MLPH: variants seen among roughly 807,000 people sequenced by gnomAD.
The protein encoded by MLPH is exophilin-3.
MLPH carries 51 observed loss-of-function variants against 72.1 expected under a neutral mutation model. The observed-to-expected ratio is 0.71, with a 90% confidence interval of 0.56 to 0.89. MLPH has a LOEUF of 0.89. Among genes scored for constraint, MLPH ranks in the 40% least tolerant of loss-of-function variants. The pLI is 0.00. For synonymous variants in MLPH, 301 were observed against 310.1 expected (o/e 0.97, Z 0.31); for missense variants, 743 against 759.9 (o/e 0.98, Z 0.26).
intron 15 of MLPH, 141 bp downstream of exon 15, chr2:237,552,578 A>C: frequency 1.4e-6 from 1 of 723,994 alleles, no homozygotes; most frequent in Non-Finnish European, 2.3e-6. Flanking sequence ...AGCAAAAAGT[A>C]AAGTAAAATC....
chr2:237,500,913 T>C (rs2106474188), intron 2 of MLPH, among the ~76,000 whole-genome samples: 1 of 152,028 alleles, frequency 6.6e-6, no homozygotes, highest in East Asian at 1.9e-4. Flanking sequence ...ACACACTTAC[T>C]CTTCTCTCCC....
intron 14 of MLPH, among the ~76,000 whole-genome samples, chr2:237,551,112 C>T (rs1443525488): frequency 2.0e-5 from 3 of 152,216 alleles, no homozygotes; most frequent in Non-Finnish European, 4.4e-5. Context: ...TCACTGTCTG[C>T]AGAGGCCAGC....
chr2:237,518,152 G>T, intron 4 of MLPH: 1 of 357,302 alleles, frequency 2.8e-6, no homozygotes. Flanking sequence ...GGGTGGGTAG[G>T]TGAATACATG....
intron 2 of MLPH, among the ~76,000 whole-genome samples, chr2:237,497,383 C>G (rs1455343377): frequency 6.6e-6 from 1 of 152,206 alleles, no homozygotes; most frequent in African/African-American, 2.4e-5. Flanking sequence ...CTTTTGTTGA[C>G]TGCCCTATTG....
At chr2:237,517,811 G>T (rs2080083130) in intron 4 of MLPH, among the ~76,000 whole-genome samples, 1 of 151,578 alleles carries the variant, frequency 6.6e-6, no homozygotes, top group East Asian at 1.9e-4. Flanking sequence ...GTGGGCAGCT[G>T]GATGGATGGG....
chr2:237,491,424 T>C (rs1437864938), intron 1 of MLPH, among the ~76,000 whole-genome samples: 1 of 152,246 alleles, frequency 6.6e-6, no homozygotes, highest in African/African-American at 2.4e-5. Context: ...GGTCTGTCTG[T>C]AGCTGCAGCA....
intron 8 of MLPH, among the ~76,000 whole-genome samples, chr2:237,528,103 T>G: frequency 6.6e-6 from 1 of 152,150 alleles, no homozygotes; most frequent in Admixed American, 6.5e-5. Flanking sequence ...ACTAGAATAG[T>G]AGTCACCAGG....
intron 7 of MLPH, among the ~76,000 whole-genome samples, chr2:237,526,583 G>A (rs1216753831): frequency 1.3e-5 from 2 of 152,184 alleles, no homozygotes; most frequent in Non-Finnish European, 2.9e-5. Context: ...CTGGAGAGCA[G>A]TTTTATTTCC....
rs1037045243 is a variant in MLPH at position 237,541,258 on chromosome 2, C to A, written c.1446+301C>A. On this transcript the variant is annotated intron_variant, in intron 11 of 15. Transcript: ENST00000264605. The surrounding 1 kb of genome is among the most constrained non-coding windows in gnomAD (Gnocchi z 5.1). ...CACAATCCCTGACCCAGGATGGGGG[C>A]CTAGAAGCAGGCCTGGAATTTAGGA... Among the ~76,000 whole-genome samples the A allele has an allele frequency of 6.6e-6, 1 of 152,154 alleles. No homozygotes were observed.
At chr2:237,494,272 G>C (rs1357166168) in intron 2 of MLPH, among the ~76,000 whole-genome samples, 1 of 152,188 alleles carries the variant, frequency 6.6e-6, no homozygotes, top group Non-Finnish European at 1.5e-5. Context: ...AGGCCAGAGA[G>C]TGGAGGGCAG....
intron 6 of MLPH, among the ~76,000 whole-genome samples, chr2:237,522,524 A>G (rs1468881849): frequency 1.5e-5 from 2 of 136,970 alleles, no homozygotes; most frequent in Non-Finnish European, 3.2e-5. Flanking sequence ...ACCTGCTACA[A>G]CTATAGTGCT....
intron 2 of MLPH, among the ~76,000 whole-genome samples, chr2:237,498,105 G>A (rs996538235): frequency 6.6e-6 from 1 of 152,174 alleles, no homozygotes; most frequent in Non-Finnish European, 1.5e-5. Flanking sequence ...ACACACCATC[G>A]TTTCTTGGAA....
intron 12 of MLPH, among the ~76,000 whole-genome samples, chr2:237,543,065 C>T (rs1443128578): frequency 2.1e-4 from 11 of 52,044 alleles, no homozygotes; most frequent in African/African-American, 3.7e-4. Flanking sequence ...TGAGTGGGCA[C>T]GGTAGTGAGT....
At chr2:237,498,321 T>C (rs1438923706) in intron 2 of MLPH, among the ~76,000 whole-genome samples, 2 of 152,202 alleles carry the variant, frequency 1.3e-5, no homozygotes, top group East Asian at 3.8e-4. Flanking sequence ...TCAGTATTTC[T>C]CTCCAGATGT....
intron 9 of MLPH, among the ~76,000 whole-genome samples, chr2:237,539,132 C>G (rs28419147): frequency 0.14 from 20,829 of 150,006 alleles, 1,690 homozygotes; most frequent in South Asian, 0.28. Flanking sequence ...CAGGCTCTGC[C>G]TTTTACTATG....
rs969625287 is a variant in MLPH, at chr2:237,512,858, C to T, written c.445+1757C>T. Among the ~76,000 whole-genome samples, 1 of 152,128 alleles carries T rather than the reference C, an allele frequency of 6.6e-6. No individual in the cohort carries two copies. The highest frequency in any genetic ancestry group is 6.5e-5 in the Admixed American group (1 of 15,278). ...GACGCAGTGTTTCCACAGCTCAGCC[C>T]AGAGCTGCTGGAGTTCACACGGCCC... On this transcript the variant is annotated intron_variant, in intron 4 of 15. Transcript: ENST00000264605. This position sits in a 1 kb window ranked among gnomAD's most constrained non-coding sequence, Gnocchi z 5.5.
chr2:237,535,903 G>A (rs1046699534), intron 9 of MLPH, among the ~76,000 whole-genome samples: 1 of 152,154 alleles, frequency 6.6e-6, no homozygotes, highest in Non-Finnish European at 1.5e-5. Context: ...CTTGAGAGGG[G>A]TCTCATCTCT....
chr2:237,540,301 G>T, intron 9 of MLPH, 47 bp from the exon 10 acceptor site: 3 of 1,606,566 alleles, frequency 1.9e-6, no homozygotes, highest in Non-Finnish European at 2.5e-6. Context: ...GAGCTCCATG[G>T]CTCCAGATGG....
At chr2:237,497,846 T>A (rs538888668) in intron 2 of MLPH, among the ~76,000 whole-genome samples, 9 of 152,240 alleles carry the variant, frequency 5.9e-5, no homozygotes, top group Non-Finnish European at 1.3e-4. Flanking sequence ...GGGGTCCTCA[T>A]GTCTGCTCCC....
Sources: gnomAD v4.1 joint callset for allele counts (sites outside exome capture counted in the v4.1 genomes callset) on GRCh38, gnomAD v4.1.1 for gene constraint, Gnocchi (gnomAD v3.1) non-coding constraint, MANE v1.5 for transcripts, NCBI Gene and HGNC (gene_info 2026-07-23, HGNC 2026-07-21) for gene names.